The following ARHGAP23 variants were observed in gnomAD, a reference collection of about 807,000 sequenced individuals.
ARHGAP23 encodes rho GTPase-activating protein 23.
In ARHGAP23, 34 loss-of-function variants were observed where a neutral mutation model predicts 136.3. The ratio of observed to expected loss-of-function variants is 0.25; its 90% CI spans 0.19 to 0.33. The LOEUF is 0.33. ARHGAP23 is among the 10% of genes least tolerant of loss of function. The pLI is 1.00. For synonymous variants in ARHGAP23, 832 were observed against 920.5 expected (o/e 0.90, Z 1.74); for missense variants, 1,808 against 2,139.0 (o/e 0.85, Z 3.05).
chr17:38,431,110 C>T (rs2038676674), intron 1 of ARHGAP23, among the ~76,000 whole-genome samples: 2 of 152,210 alleles, frequency 1.3e-5, no homozygotes, highest in South Asian at 4.1e-4. Flanking sequence ...CTCTCACCCT[C>T]ACTATCTGGC....
At chr17:38,457,809 A>G (rs927008237) in intron 1 of ARHGAP23, 5 of 520,744 alleles carry the variant, frequency 9.6e-6, no homozygotes, top group Non-Finnish European at 6.8e-6. Context: ...CATTTGCTGA[A>G]CTCAGCTGAA....
Position 38,477,693 on chromosome 17 carries a change from G to T in ARHGAP23, c.2233G>T (p.Ala745Ser). 7.2e-7 allele frequency: 1 copy of T among 1,397,604 alleles called. No individual in the cohort carries two copies. 86.6% of individuals were successfully genotyped at this position (1,397,604 alleles called of 1,614,324 possible). ...CGGGCCGGCGGCGGCGGGGGCTGCGGCGGCCGGCGCAGGTGAGGACGAGGC... is the reference window on the plus strand; with the variant it reads ...CGGGCCGGCGGCGGCGGGGGCTGCGTCGGCCGGCGCAGGTGAGGACGAGGC... ...EPGPAAAGAA[A>S]AGAGEDEAAP... The change falls in exon 12 of 24, where the codon GCG (alanine) becomes TCG (serine). Residue 745 changes from alanine (A) to serine (S), a missense_variant. This residue lies in a region of ARHGAP23 where 139 missense variants were observed against 264.3 expected (regional missense o/e 0.53). Transcript: ENST00000622683. The surrounding 1 kb of genome is among the most constrained non-coding windows in gnomAD (Gnocchi z 6.6).
chr17:38,441,894 G>A (rs1293504514), intron 1 of ARHGAP23, among the ~76,000 whole-genome samples: 1 of 152,126 alleles, frequency 6.6e-6, no homozygotes, highest in African/African-American at 2.4e-5. Flanking sequence ...GGCCAGCTGG[G>A]GTGAGGGCAC....
At chr17:38,425,921 G>T (rs150546351), upstream of ARHGAP23, among the ~76,000 whole-genome samples, 2,170 of 152,080 alleles carry the variant, frequency 0.014, 14 homozygotes, top group Middle Eastern at 0.024. Flanking sequence ...GGGAGCGGGT[G>T]GGGGAGGCTG....
At chr17:38,451,239 G>A (rs115360613) in intron 1 of ARHGAP23, 7,987 of 152,502 alleles carry the variant, frequency 0.052, 269 homozygotes, top group Middle Eastern at 0.16. Context: ...CCCCACAGAG[G>A]CAGCTGGGTG....
chr17:38,501,593 G>A (rs1208783762), intron 23 of ARHGAP23, among the ~76,000 whole-genome samples: 3 of 152,016 alleles, frequency 2.0e-5, no homozygotes, highest in East Asian at 1.9e-4. Context: ...GAGTCACTGC[G>A]CCTGGCTATA....
At chr17:38,509,558 C>G (rs1388950925) in intron 23 of ARHGAP23, among the ~76,000 whole-genome samples, 1 of 152,112 alleles carries the variant, frequency 6.6e-6, no homozygotes, top group East Asian at 1.9e-4. Context: ...GCAGGAAGCT[C>G]TGGTGATGAC....
rs2040723765 is a variant in ARHGAP23, at chr17:38,510,182, T to G, written c.3686T>G (p.Leu1229Arg). The part of the protein sequence containing the change: ...GAVAPEAPGR[L>R]SPPAAPEERP... The stretch of plus-strand genomic sequence containing the variant: ...GTCGCCCCCGAGGCCCCCGGACGCC[T>G]CAGTCCCCCGGCGGCGCCGGAGGAG... The change falls in exon 24 of 24, where the codon CTC (leucine) becomes CGC (arginine). Residue 1229 changes from leucine to arginine, a missense_variant. Physicochemically the swap from Leu to Arg is moderately radical, Grantham distance 102. Around this residue, in one of 7 missense-constraint regions of ARHGAP23, gnomAD observed 506 missense variants for 455.8 expected, o/e 1.11. Transcript: ENST00000622683. The surrounding 1 kb of genome is among the most constrained non-coding windows in gnomAD (Gnocchi z 4.6). The G allele has an allele frequency of 1.5e-6, 2 of 1,337,220 alleles. No homozygotes were observed. Among genetic ancestry groups the G allele is most frequent in the East Asian group, 6.2e-5 (2 of 32,480 alleles). The allele number at this position is 1,337,220 out of a possible 1,614,324, so 82.8% of individuals were successfully genotyped here.
Position 38,482,647 on chromosome 17 carries a change from G to A in ARHGAP23, c.2876G>A (p.Arg959His), listed in dbSNP as rs1377171574. 3.2e-6 allele frequency: 5 copies of A among 1,549,162 alleles called. No individual in the cohort carries two copies. The highest frequency in any genetic ancestry group is 2.7e-5 in the African/African-American group (2 of 73,108). Residue 959 changes from arginine (R) to histidine (H), a missense_variant, in exon 16 of 24, where the codon CGC (arginine) becomes CAC (histidine). Physicochemically the swap from Arg to His is conservative, Grantham distance 29. Around this residue, in one of 7 missense-constraint regions of ARHGAP23, gnomAD observed 105 missense variants for 200.6 expected, o/e 0.52. Transcript: ENST00000622683. ...TCCAGCCTACAGGAGCAGCTCAACC[G>A]CGGGCCTGGTGACATCAACCTGCAG... ...VVSSLQEQLN[R>H]GPGDINLQDE... is the part of the protein sequence containing the mutation.
intron 6 of ARHGAP23, among the ~76,000 whole-genome samples, chr17:38,465,215 G>T (rs2039560308): frequency 6.6e-6 from 1 of 151,482 alleles, no homozygotes; most frequent in Admixed American, 6.6e-5. Flanking sequence ...GCCAGCTGGA[G>T]GGGGCTGAGT....
In ARHGAP23 at chr17:38,469,744, TC is replaced by T. The variant is rs2039701159; in HGVS notation, c.1917-98del. ...TCCTCTATGCATGGGACAGTGTGCC[TC>T]CCCCGCTGGAAGGCTTCTGGGCTTG... On this transcript the variant is annotated intron_variant, in intron 9 of 23. Coordinates refer to ENST00000622683, the MANE Select transcript of ARHGAP23 (RefSeq NM_001199417.2). The T allele has an allele frequency of 4.7e-6, 7 of 1,502,350 alleles. No homozygotes were observed. The South Asian group carries it at 7.4e-5, about 16-fold the overall frequency. The allele number at this position is 1,502,350 out of a possible 1,614,324, so 93.1% of individuals were successfully genotyped here.
intron 1 of ARHGAP23, among the ~76,000 whole-genome samples, chr17:38,438,650 G>T (rs1474864402): frequency 7.2e-6 from 1 of 138,110 alleles, no homozygotes; most frequent in Admixed American, 7.1e-5. Flanking sequence ...AAGGAGATGG[G>T]AGCTGAAACT....
intron 23 of ARHGAP23, among the ~76,000 whole-genome samples, chr17:38,508,149 A>G (rs1212081931): frequency 6.6e-6 from 1 of 152,244 alleles, no homozygotes; most frequent in Admixed American, 6.5e-5. Flanking sequence ...GATGAGGCTG[A>G]TGTGAGAAGA....
At chr17:38,440,641 C>A (rs766401548) in intron 1 of ARHGAP23, among the ~76,000 whole-genome samples, 21 of 152,212 alleles carry the variant, frequency 1.4e-4, no homozygotes, top group Non-Finnish European at 2.8e-4. Context: ...CCCTTGGTGG[C>A]ACCCAGTGAA....
At position 38,510,037 on chromosome 17, in the gene ARHGAP23, G is replaced by A. The variant is rs2040719638; in HGVS notation, c.3541G>A (p.Glu1181Lys). The change falls in exon 24 of 24, where the codon GAG becomes AAG. Residue 1181 changes from glutamate to lysine, a missense_variant. This residue lies in a region of ARHGAP23 where 104 missense variants were observed against 131.8 expected (regional missense o/e 0.79). Transcript: ENST00000622683. This position sits in a 1 kb window ranked among gnomAD's most constrained non-coding sequence, Gnocchi z 4.6. ...CAACCGCAAGCGCAAGAAGCGGCGG[G>A]AGGCGCGGGGGCTGGGCAGCAGCAC... The part of the protein sequence containing the change: ...AVNRKRKKRR[E>K]ARGLGSSTDD... 1.6e-6 allele frequency: 2 copies of A among 1,244,046 alleles called. No homozygotes were observed. Among genetic ancestry groups the A allele is most frequent in the East Asian group, 3.1e-5 (1 of 31,820 alleles). The allele number at this position is 1,244,046 out of a possible 1,614,324, so 77.1% of individuals were successfully genotyped here. A position where few individuals can be genotyped will look rare whatever the true frequency, so the allele number is the denominator to read the frequency against.
At chr17:38,455,425 A>G (rs1262775260) in intron 1 of ARHGAP23, among the ~76,000 whole-genome samples, 1 of 152,148 alleles carries the variant, frequency 6.6e-6, no homozygotes, top group East Asian at 1.9e-4. Context: ...GAATGCTGGT[A>G]GTGCTTGGTG....
chr17:38,496,952 GAAA>G (rs56999011), intron 20 of ARHGAP23, among the ~76,000 whole-genome samples: 3 of 145,594 alleles, frequency 2.1e-5, no homozygotes. Flanking sequence ...GATTCTGTTG[GAAA>G]AAAAAAAAAA....
chr17:38,475,971 C>CAAA (rs1470114912), intron 11 of ARHGAP23, among the ~76,000 whole-genome samples: 3 of 152,106 alleles, frequency 2.0e-5, no homozygotes, highest in Non-Finnish European at 4.4e-5. Flanking sequence ...GGGGCTTAGG[C>CAAA]AAAAGGAACA....
rs1229517033 is a variant in ARHGAP23, at chr17:38,511,185, G to C, written c.*213G>C. On this transcript the variant is annotated 3_prime_UTR_variant, in exon 24 of 24. Transcript: ENST00000622683. Reference sequence around the variant, plus strand: ...TAATTGAATGGAAGGGGGTTCCAGAGGTGATGAGCAGAAGAGGAGGGGGCG... The same window carrying C: ...TAATTGAATGGAAGGGGGTTCCAGACGTGATGAGCAGAAGAGGAGGGGGCG... 1.8e-6 allele frequency: 1 copy of C among 541,196 alleles called. No individual in the cohort carries two copies. The highest frequency in any genetic ancestry group is 3.0e-6 in the Non-Finnish European group (1 of 330,604). The allele number at this position is 541,196 out of a possible 1,614,324, so 33.5% of individuals were successfully genotyped here. A position where few individuals can be genotyped will look rare whatever the true frequency, so the allele number is the denominator to read the frequency against.
Sources: gnomAD v4.1 joint callset for allele counts (sites outside exome capture counted in the v4.1 genomes callset) on GRCh38, gnomAD v4.1.1 for gene constraint, gnomAD v4.1.1 regional missense constraint, Gnocchi (gnomAD v3.1) non-coding constraint, MANE v1.5 for transcripts, NCBI Gene and HGNC (gene_info 2026-07-23, HGNC 2026-07-21) for gene names.